The following TMEM178B variants were observed in gnomAD, a reference collection of about 807,000 sequenced individuals.
TMEM178B encodes the protein transmembrane protein 178B.
TMEM178B carries 5 observed loss-of-function variants against 31.0 expected under a neutral mutation model. The ratio of observed to expected loss-of-function variants is 0.16; its 90% CI spans 0.08 to 0.34. The LOEUF (loss-of-function observed/expected upper bound fraction) is 0.34. TMEM178B is among the 10% of genes least tolerant of loss of function. The pLI is 1.00. For synonymous variants in TMEM178B, 164 were observed against 164.0 expected, an observed-to-expected ratio of 1.00 and a Z score of 0.00; for missense variants, 275 against 400.3, an observed-to-expected ratio of 0.69 and a Z score of 2.67.
rs142628473 is a variant in TMEM178B, at chr7:141,245,582, C to G, written c.496+32878C>G. On this transcript the variant is annotated intron_variant, in intron 2 of 3. Transcript: ENST00000565468. ...GAGGTCTTAGAACTGTTTTCCTTCT[C>G]TTCTGAGAATCCTCTCCTGCAAACT... Among the ~76,000 whole-genome samples, 275 of 152,332 alleles carry G rather than the reference C, an allele frequency of 1.8e-3. 3 individuals are homozygous for G. Among genetic ancestry groups the G allele is most frequent in the African/African-American group, 6.3e-3 (263 of 41,576 alleles).
At chr7:141,220,674 A>G (rs1391010012) in intron 2 of TMEM178B, among the ~76,000 whole-genome samples, 1 of 152,146 alleles carries the variant, frequency 6.6e-6, no homozygotes, top group Non-Finnish European at 1.5e-5. Flanking sequence ...GCACAGGTCC[A>G]ATTTTGTGCT....
At chr7:141,454,891 C>T (rs1801935098) in intron 3 of TMEM178B, among the ~76,000 whole-genome samples, 1 of 152,032 alleles carries the variant, frequency 6.6e-6, no homozygotes, top group Admixed American at 6.5e-5. Flanking sequence ...GTCAATAATT[C>T]TCATTCCTCG....
intron 2 of TMEM178B, among the ~76,000 whole-genome samples, chr7:141,217,210 A>G (rs913770894): frequency 9.9e-5 from 15 of 152,154 alleles, no homozygotes; most frequent in African/African-American, 3.1e-4. Context: ...CATGACCCCC[A>G]GGAGCTCCTG....
intron 1 of TMEM178B, among the ~76,000 whole-genome samples, chr7:141,144,467 C>A (rs1013648765): frequency 4.6e-5 from 7 of 152,072 alleles, no homozygotes; most frequent in African/African-American, 1.7e-4. Flanking sequence ...ATTATTTTTT[C>A]TCTGTTGAAG....
intron 2 of TMEM178B, among the ~76,000 whole-genome samples, chr7:141,335,444 G>T (rs370492212): frequency 1.3e-5 from 2 of 152,200 alleles, no homozygotes; most frequent in South Asian, 2.1e-4. Flanking sequence ...AGAACAGATG[G>T]GAAGTGAAGC....
intron 1 of TMEM178B, among the ~76,000 whole-genome samples, chr7:141,193,936 G>T (rs1054429104): frequency 7.9e-5 from 12 of 152,258 alleles, no homozygotes; most frequent in African/African-American, 2.9e-4. Flanking sequence ...TTCTTACTTG[G>T]CAGCAACAAG....
chr7:141,160,906 G>A (rs772423479), intron 1 of TMEM178B, among the ~76,000 whole-genome samples: 5 of 152,098 alleles, frequency 3.3e-5, no homozygotes, highest in African/African-American at 4.8e-5. Context: ...TGCCCAGGAC[G>A]GAGTGCAATA....
intron 2 of TMEM178B, among the ~76,000 whole-genome samples, chr7:141,286,090 A>G (rs1162016253): frequency 1.3e-5 from 2 of 152,076 alleles, no homozygotes; most frequent in Non-Finnish European, 2.9e-5. Context: ...TTAAAAGTAT[A>G]ATAATAATAA....
Position 141,480,353 on chromosome 7 carries a change from TAAA to T in TMEM178B, c.*9568_*9570del, listed in dbSNP as rs1211870354. 2.0e-5 allele frequency: 3 copies of T among 152,166 alleles called. No homozygotes were observed. Among genetic ancestry groups the T allele is most frequent in the Non-Finnish European group, 2.9e-5 (2 of 68,026 alleles). 9.4% of individuals were successfully genotyped at this position (152,166 alleles called of 1,614,324 possible). A position where few individuals can be genotyped will look rare whatever the true frequency, so the allele number is the denominator to read the frequency against. Reference sequence around the variant, plus strand: ...AATGTAAACTGATTAAACAATTAAATAAAGAAGATTATGTTGTGTGTTTTAAAG... The same window carrying T: ...AATGTAAACTGATTAAACAATTAAATGAAGATTATGTTGTGTGTTTTAAAG... On this transcript the variant is annotated 3_prime_UTR_variant, in exon 4 of 4. Coordinates refer to ENST00000565468, the MANE Select transcript of TMEM178B (RefSeq NM_001195278.2).
At chr7:141,435,863 C>G (rs189683515) in intron 2 of TMEM178B, among the ~76,000 whole-genome samples, 1 of 152,194 alleles carries the variant, frequency 6.6e-6, no homozygotes, top group African/African-American at 2.4e-5. Context: ...CAGACAAGGG[C>G]GGCCCTAGTA....
At chr7:141,325,476 C>T (rs1240619373) in intron 2 of TMEM178B, among the ~76,000 whole-genome samples, 2 of 152,192 alleles carry the variant, frequency 1.3e-5, no homozygotes, top group Non-Finnish European at 2.9e-5. Flanking sequence ...CCCCAGGGAC[C>T]AAAGGCCAGC....
intron 3 of TMEM178B, among the ~76,000 whole-genome samples, chr7:141,445,029 G>A (rs1801728180): frequency 6.6e-6 from 1 of 152,158 alleles, no homozygotes; most frequent in Non-Finnish European, 1.5e-5. Flanking sequence ...ATGAGAAAAG[G>A]AAATCATTAA....
intron 2 of TMEM178B, among the ~76,000 whole-genome samples, chr7:141,281,830 C>A (rs570606145): frequency 6.6e-6 from 1 of 152,032 alleles, no homozygotes; most frequent in African/African-American, 2.4e-5. Flanking sequence ...CACAGGAAAG[C>A]GGCAGGCCAA....
chr7:141,181,539 T>C (rs563897480), intron 1 of TMEM178B, among the ~76,000 whole-genome samples: 1 of 152,144 alleles, frequency 6.6e-6, no homozygotes, highest in Non-Finnish European at 1.5e-5. Context: ...TTGAGATGAG[T>C]GGATTGGGAG....
intron 1 of TMEM178B, among the ~76,000 whole-genome samples, chr7:141,172,350 A>C (rs986177958): frequency 2.0e-5 from 3 of 152,194 alleles, no homozygotes; most frequent in Non-Finnish European, 4.4e-5. Flanking sequence ...ACCAGACTCC[A>C]TGTCTCTGCC....
rs117887568 is a variant in TMEM178B, at chr7:141,306,700, G to A, written c.496+93996G>A. Among the ~76,000 whole-genome samples the A allele has an allele frequency of 5.0e-4, 75 of 149,674 alleles. 2 individuals are homozygous for A. The East Asian group carries it at 8.8e-3, about 18-fold the overall frequency. ...CACCTTGCCTTCTTCTAAAAGCCTC[G>A]TCTTTGCTGTATTCTGTTCTCTTTG... On this transcript the variant is annotated intron_variant, in intron 2 of 3. Coordinates refer to ENST00000565468, the MANE Select transcript of TMEM178B (RefSeq NM_001195278.2).
At chr7:141,116,816 T>G (rs1469293336) in intron 1 of TMEM178B, among the ~76,000 whole-genome samples, 1 of 152,190 alleles carries the variant, frequency 6.6e-6, no homozygotes, top group African/African-American at 2.4e-5. Flanking sequence ...GGTTTCCAGC[T>G]TCATCCATGT....
At chr7:141,079,655 C>G (rs374373116) in intron 1 of TMEM178B, among the ~76,000 whole-genome samples, 2 of 152,252 alleles carry the variant, frequency 1.3e-5, no homozygotes, top group South Asian at 4.2e-4. Flanking sequence ...ACAAGCTTCT[C>G]CCTTCTTCCC....
intron 2 of TMEM178B, among the ~76,000 whole-genome samples, chr7:141,380,378 C>T (rs539387176): frequency 1.9e-4 from 29 of 152,184 alleles, no homozygotes; most frequent in Non-Finnish European, 3.7e-4. Context: ...AAAAAACTTT[C>T]TGCAGCTTTA....
Sources: allele counts gnomAD v4.1 joint callset (sites outside exome capture counted in the v4.1 genomes callset), GRCh38; gene constraint gnomAD v4.1.1; transcripts MANE v1.5; gene names NCBI Gene and HGNC (gene_info 2026-07-23, HGNC 2026-07-21).